Variants in ANTXR1 observed in about 807,000 individuals in gnomAD.
ANTXR1 encodes anthrax toxin receptor 1.
ANTXR1 carries 19 observed loss-of-function variants against 78.1 expected under a neutral mutation model. The observed-to-expected ratio is 0.24, with a 90% CI of 0.17 to 0.36. The LOEUF (loss-of-function observed/expected upper bound fraction) is 0.36, where lower values mean the gene tolerates loss of function less well. Ranked by LOEUF, ANTXR1 falls within the 10% of genes least tolerant of loss-of-function variation. The pLI is 1.00. For missense variants in ANTXR1, 518 were observed against 718.6 expected (o/e 0.72, Z 3.19); for synonymous variants, 273 against 260.5 (o/e 1.05, Z -0.46).
At chr2:69,193,948 G>A (rs1674604145) in intron 17 of ANTXR1, among the ~76,000 whole-genome samples, 1 of 152,218 alleles carries the variant, frequency 6.6e-6, no homozygotes, top group Admixed American at 6.5e-5. Context: ...CACCCCAGGT[G>A]AGGATTTGTC....
intron 16 of ANTXR1, among the ~76,000 whole-genome samples, chr2:69,192,562 C>G (rs1674567089): frequency 6.6e-6 from 1 of 152,222 alleles, no homozygotes; most frequent in East Asian, 1.9e-4. Flanking sequence ...GTCCAGGATA[C>G]TCTCCCCATC....
At chr2:69,231,705 G>A (rs532484102) in intron 17 of ANTXR1, among the ~76,000 whole-genome samples, 1 of 152,280 alleles carries the variant, frequency 6.6e-6, no homozygotes, top group African/African-American at 2.4e-5. Context: ...ACATCCCAGA[G>A]GGCTTCTTCA....
At chr2:69,239,552 C>CA (rs973390326) in intron 17 of ANTXR1, among the ~76,000 whole-genome samples, 115 of 148,828 alleles carry the variant, frequency 7.7e-4, no homozygotes, top group African/African-American at 2.5e-3. Context: ...GACTCCATCT[C>CA]AAAAAAAAAA....
chr2:69,106,167 A>C (rs1480031820), intron 10 of ANTXR1, among the ~76,000 whole-genome samples: 6 of 152,248 alleles, frequency 3.9e-5, no homozygotes, highest in Non-Finnish European at 2.9e-5. Context: ...CCAAAAGTAG[A>C]AATTGTTTAG....
At chr2:69,113,318 A>T (rs1383067921) in intron 10 of ANTXR1, among the ~76,000 whole-genome samples, 1 of 152,116 alleles carries the variant, frequency 6.6e-6, no homozygotes, top group African/African-American at 2.4e-5. Flanking sequence ...CTCCTCTGCC[A>T]TTTCAGTAGG....
chr2:69,126,045 T>C (rs1672525186), intron 12 of ANTXR1, among the ~76,000 whole-genome samples: 1 of 152,152 alleles, frequency 6.6e-6, no homozygotes, highest in African/African-American at 2.4e-5. Context: ...TTAGAACCTC[T>C]CAGTAACTGG....
chr2:69,133,766 A>T (rs1672826414), intron 12 of ANTXR1, among the ~76,000 whole-genome samples: 1 of 152,178 alleles, frequency 6.6e-6, no homozygotes. Flanking sequence ...AGCCCTTGAA[A>T]AAGCATAGCC....
At chr2:69,074,693 A>G (rs1281562928) in intron 6 of ANTXR1, among the ~76,000 whole-genome samples, 3 of 152,172 alleles carry the variant, frequency 2.0e-5, no homozygotes, top group African/African-American at 7.2e-5. Context: ...AAAAAGACAT[A>G]AGTTTTTGTC....
chr2:69,223,194 G>A (rs142219266), intron 17 of ANTXR1, among the ~76,000 whole-genome samples: 3 of 152,330 alleles, frequency 2.0e-5, no homozygotes, highest in African/African-American at 7.2e-5. Context: ...CTTCAAGTGT[G>A]CATGGATAGG....
At chr2:69,089,661 A>G (rs1302275530) in intron 8 of ANTXR1, among the ~76,000 whole-genome samples, 3 of 152,254 alleles carry the variant, frequency 2.0e-5, no homozygotes, top group Non-Finnish European at 2.9e-5. Context: ...ATGTAAAGAA[A>G]TACAACGATG....
chr2:69,195,902 T>C (rs1304320148), intron 17 of ANTXR1, among the ~76,000 whole-genome samples: 1 of 152,196 alleles, frequency 6.6e-6, no homozygotes, highest in East Asian at 1.9e-4. Context: ...ATGTTAACAT[T>C]CCATTTTCCA....
chr2:69,236,329 TGA>T (rs942350787), intron 17 of ANTXR1, among the ~76,000 whole-genome samples: 5 of 152,170 alleles, frequency 3.3e-5, no homozygotes, highest in African/African-American at 1.2e-4. Context: ...TGTGTATGTG[TGA>T]GTGTATATAT....
intron 16 of ANTXR1, among the ~76,000 whole-genome samples, chr2:69,184,657 C>A (rs916096996): frequency 1.3e-5 from 2 of 151,920 alleles, no homozygotes; most frequent in Non-Finnish European, 2.9e-5. Flanking sequence ...TATTGACTGG[C>A]GGTTTAGGAC....
intron 16 of ANTXR1, among the ~76,000 whole-genome samples, chr2:69,191,994 A>G (rs1045733619): frequency 2.0e-5 from 3 of 152,208 alleles, no homozygotes; most frequent in Non-Finnish European, 4.4e-5. Context: ...AGTTACATTC[A>G]TTCCTCCAAC....
Position 69,044,733 on chromosome 2 carries a change from C to T in ANTXR1, c.225-9C>T. ...TGTCTGTCCTAATAGAGCTTCTTTT[C>T]CTTTCCAGCCCACAGTTGAGAATGT... is the stretch of plus-strand genomic sequence containing the variant. On this transcript the variant is annotated splice_polypyrimidine_tract_variant and intron_variant, in intron 2 of 17. Coordinates refer to ENST00000303714, the MANE Select transcript of ANTXR1 (RefSeq NM_032208.3). 2.5e-6 allele frequency: 4 copies of T among 1,613,756 alleles called. No individual in the cohort carries two copies. The highest frequency in any genetic ancestry group is 2.5e-6 in the Non-Finnish European group (3 of 1,179,732).
intron 16 of ANTXR1, among the ~76,000 whole-genome samples, chr2:69,192,249 A>T (rs535619945): frequency 6.6e-6 from 1 of 152,352 alleles, no homozygotes; most frequent in African/African-American, 2.4e-5. Flanking sequence ...AGATGTCATA[A>T]GCCCCAAACG....
intron 1 of ANTXR1, among the ~76,000 whole-genome samples, chr2:69,029,607 G>T (rs1671467932): frequency 6.6e-6 from 1 of 151,652 alleles, no homozygotes; most frequent in Admixed American, 6.6e-5. Flanking sequence ...GATTCAGACT[G>T]GCGTTAGTTT....
intron 13 of ANTXR1, among the ~76,000 whole-genome samples, chr2:69,157,934 T>A (rs1673572519): frequency 6.6e-6 from 1 of 152,172 alleles, no homozygotes; most frequent in South Asian, 2.1e-4. Flanking sequence ...AGAGTTCCCG[T>A]CCCTTGAGAT....
intron 1 of ANTXR1, among the ~76,000 whole-genome samples, chr2:69,025,088 C>T (rs1457651056): frequency 1.3e-5 from 2 of 152,186 alleles, no homozygotes; most frequent in Non-Finnish European, 1.5e-5. Flanking sequence ...GTTCCCCAAA[C>T]TAACCCATGC....
Sources: allele counts gnomAD v4.1 joint callset (sites outside exome capture counted in the v4.1 genomes callset), GRCh38; gene constraint gnomAD v4.1.1; transcripts MANE v1.5; gene names NCBI Gene and HGNC (gene_info 2026-07-23, HGNC 2026-07-21).